RHBDD1: variants seen among roughly 807,000 people sequenced by gnomAD.
RHBDD1 encodes the protein rhomboid-related protein 4.
A neutral mutation model predicts 36.3 loss-of-function variants in RHBDD1; 38 were observed. The ratio of observed to expected loss-of-function variants is 1.05; its 90% CI spans 0.81 to 1.37. The LOEUF is 1.37. Among genes scored for constraint, RHBDD1 ranks in the 40% most tolerant of loss-of-function variants. RHBDD1 has a pLI of 0.00. For missense variants in RHBDD1, 393 were observed against 377.6 expected (o/e 1.04, Z -0.34); for synonymous variants, 151 against 136.5 (o/e 1.11, Z -0.74).
chr2:226,831,181 G>T (rs1332670011), upstream of RHBDD1, among the ~76,000 whole-genome samples: 1 of 152,170 alleles, frequency 6.6e-6, no homozygotes, highest in Non-Finnish European at 1.5e-5. Context: ...GTTTGTGTAT[G>T]ATGGTATAAT....
chr2:226,820,992 C>T, the RHBDD1 span, among the ~76,000 whole-genome samples: 2 of 152,122 alleles, frequency 1.3e-5, no homozygotes, highest in Non-Finnish European at 2.9e-5. Context: ...TCTGTTCCTC[C>T]AGGCTTCTGG....
chr2:226,947,808 A>C (rs372494767), intron 8 of RHBDD1, among the ~76,000 whole-genome samples: 1 of 152,350 alleles, frequency 6.6e-6, no homozygotes, highest in East Asian at 1.9e-4. Context: ...CAAAAAACAC[A>C]TGAAAAAATG....
chr2:226,963,923 G>T (rs1389170855), intron 8 of RHBDD1, among the ~76,000 whole-genome samples: 1 of 152,018 alleles, frequency 6.6e-6, no homozygotes, highest in African/African-American at 2.4e-5. Flanking sequence ...CTTCCTTCCT[G>T]ACAACTGAGC....
At chr2:226,931,830 C>T (rs2149104767) in intron 8 of RHBDD1, among the ~76,000 whole-genome samples, 1 of 151,472 alleles carries the variant, frequency 6.6e-6, no homozygotes, top group African/African-American at 2.4e-5. Flanking sequence ...AGATCTTTTG[C>T]CTTTCTGCAT....
chr2:226,862,720 T>G (rs189224112), intron 3 of RHBDD1, among the ~76,000 whole-genome samples: 23 of 152,230 alleles, frequency 1.5e-4, no homozygotes, highest in African/African-American at 4.3e-4. Flanking sequence ...AATACCTGAG[T>G]CTGAGTAATT....
At chr2:226,991,464 G>A (rs1337123295) in intron 8 of RHBDD1, among the ~76,000 whole-genome samples, 1 of 152,216 alleles carries the variant, frequency 6.6e-6, no homozygotes, top group African/African-American at 2.4e-5. Context: ...ACAGGCATGA[G>A]CCACCATGCC....
At chr2:226,909,119 G>A (rs1355278720) in intron 7 of RHBDD1, among the ~76,000 whole-genome samples, 1 of 152,036 alleles carries the variant, frequency 6.6e-6, no homozygotes, top group East Asian at 1.9e-4. Context: ...TGGTATGATT[G>A]GTATGAGGTC....
chr2:226,848,660 A>G (rs1248848303), intron 3 of RHBDD1, among the ~76,000 whole-genome samples: 1 of 152,202 alleles, frequency 6.6e-6, no homozygotes, highest in Non-Finnish European at 1.5e-5. Flanking sequence ...GACAGTAACC[A>G]GTAGGGACTC....
At chr2:226,910,674 A>G (rs1298818756) in intron 7 of RHBDD1, among the ~76,000 whole-genome samples, 1 of 152,138 alleles carries the variant, frequency 6.6e-6, no homozygotes, top group African/African-American at 2.4e-5. Context: ...TAACTAAAAA[A>G]AAAAAATTAA....
At chr2:226,948,564 T>TAAAAAAAAAAAAAAAAAAAAAGAA (rs56325989) in intron 8 of RHBDD1, among the ~76,000 whole-genome samples, 4 of 23,552 alleles carry the variant, frequency 1.7e-4, no homozygotes, top group Non-Finnish European at 3.3e-4. Flanking sequence ...ACTTAAAGTA[T>TAAAAAAAAAAAAAAAAAAAAAGAA]AAAAAAAAAA....
chr2:226,907,132 C>T (rs1461982649), intron 6 of RHBDD1: 1 of 557,498 alleles, frequency 1.8e-6, no homozygotes, highest in African/African-American at 1.9e-5. Context: ...TTTATACCCT[C>T]AACCTTAATG....
chr2:226,886,342 T>C (rs145964026), intron 5 of RHBDD1, among the ~76,000 whole-genome samples: 31 of 152,252 alleles, frequency 2.0e-4, no homozygotes, highest in Admixed American at 5.9e-4. Flanking sequence ...AATGTAAAAA[T>C]AGCTGAGTTA....
chr2:226,829,755 G>T, the RHBDD1 span, among the ~76,000 whole-genome samples: 1 of 152,172 alleles, frequency 6.6e-6, no homozygotes, highest in Non-Finnish European at 1.5e-5. Context: ...GCGTGTGTAT[G>T]TATGTGTGTA....
At chr2:226,810,591 A>G in the RHBDD1 span, among the ~76,000 whole-genome samples, 1 of 151,412 alleles carries the variant, frequency 6.6e-6, no homozygotes, top group Non-Finnish European at 1.5e-5. Flanking sequence ...ATCATAAGGA[A>G]AAGAAAATAT....
upstream of RHBDD1, among the ~76,000 whole-genome samples, chr2:226,833,030 C>T (rs1371079774): frequency 2.0e-5 from 3 of 152,250 alleles, no homozygotes; most frequent in East Asian, 5.8e-4. Context: ...TCTGTTTCAT[C>T]TGATATTAGT....
chr2:226,840,529 G>C (rs933154476), intron 3 of RHBDD1, among the ~76,000 whole-genome samples: 1 of 152,168 alleles, frequency 6.6e-6, no homozygotes, highest in Admixed American at 6.5e-5. Flanking sequence ...ATTTATTCTT[G>C]ATGGTGATTC....
At chr2:226,800,398 C>G in the RHBDD1 span, among the ~76,000 whole-genome samples, 1 of 152,168 alleles carries the variant, frequency 6.6e-6, no homozygotes, top group South Asian at 2.1e-4. Context: ...GATTTGCTGC[C>G]GTGAGGTACC....
At chr2:226,833,882 C>T (rs753257090), upstream of RHBDD1, among the ~76,000 whole-genome samples, 4 of 152,130 alleles carry the variant, frequency 2.6e-5, no homozygotes, top group Non-Finnish European at 4.4e-5. Context: ...TTACAACATG[C>T]TCATTTCAAC....
Position 226,997,374 on chromosome 2 carries a change from T to A in RHBDD1, c.*1852T>A, listed in dbSNP as rs1004755660. 6.6e-6 allele frequency: 1 copy of A among 152,226 alleles called. No homozygotes were observed. 9.4% of individuals were successfully genotyped at this position (152,226 alleles called of 1,614,324 possible). A position where few individuals can be genotyped will look rare whatever the true frequency, so the allele number is the denominator to read the frequency against. On this transcript the variant is annotated 3_prime_UTR_variant, in exon 9 of 9. Coordinates refer to ENST00000392062, the MANE Select transcript of RHBDD1 (RefSeq NM_001167608.3). ...ATGCCACTTTTATAGCATTTGGTAATTCTGCTATAACACATCTTGCCCCTA... is the reference window on the plus strand; with the variant it reads ...ATGCCACTTTTATAGCATTTGGTAAATCTGCTATAACACATCTTGCCCCTA...
Sources: gnomAD v4.1 joint callset for allele counts (sites outside exome capture counted in the v4.1 genomes callset) on GRCh38, gnomAD v4.1.1 for gene constraint, MANE v1.5 for transcripts, NCBI Gene and HGNC (gene_info 2026-07-23, HGNC 2026-07-21) for gene names.